NAV1: variants seen among roughly 807,000 people sequenced by gnomAD.
NAV1 encodes the protein neuron navigator 1, also known as pore membrane and/or filament interacting like protein 3.
Under a neutral mutation model 175.2 loss-of-function variants are expected in NAV1, and 18 were observed. The ratio of observed to expected loss-of-function variants is 0.10; its 90% CI spans 0.07 to 0.15. The LOEUF is 0.15. NAV1 is among the 10% of genes least tolerant of loss of function. NAV1 has a pLI of 1.00. For synonymous variants in NAV1, 897 were observed against 978.7 expected (o/e 0.92, Z 1.56); for missense variants, 1,731 against 2,436.6 (o/e 0.71, Z 6.10).
At chr1:201,820,750 T>G (rs1043746664) in exon 30 of NAV1, 1 of 152,218 alleles carries the variant, frequency 6.6e-6, no homozygotes, top group Non-Finnish European at 1.5e-5. Context: ...ACCCTACTTT[T>G]TTATTTTTGG....
chr1:201,600,579 A>G (rs1318866667), intron 2 of NAV1, among the ~76,000 whole-genome samples: 1 of 152,204 alleles, frequency 6.6e-6, no homozygotes, highest in Non-Finnish European at 1.5e-5. Context: ...AAACTGGGTG[A>G]AGCGTAGATG....
At chr1:201,562,073 T>C (rs141907703) in intron 1 of NAV1, among the ~76,000 whole-genome samples, 9,647 of 152,126 alleles carry the variant, frequency 0.063, 423 homozygotes, top group African/African-American at 0.13. Context: ...GGCACCATCA[T>C]AGCTCACTGC....
At chr1:201,546,549 G>A (rs1665678297) in intron 1 of NAV1, among the ~76,000 whole-genome samples, 1 of 152,154 alleles carries the variant, frequency 6.6e-6, no homozygotes, top group African/African-American at 2.4e-5. Context: ...ACTGATTGTT[G>A]ACATTTTGCT....
intron 3 of NAV1, among the ~76,000 whole-genome samples, chr1:201,722,779 A>C (rs1672441148): frequency 6.6e-6 from 1 of 152,164 alleles, no homozygotes; most frequent in Non-Finnish European, 1.5e-5. Flanking sequence ...ATTCTCCCCA[A>C]CATTTACTAT....
intron 1 of NAV1, among the ~76,000 whole-genome samples, chr1:201,561,086 C>T (rs1326658454): frequency 6.6e-6 from 1 of 152,126 alleles, no homozygotes; most frequent in Admixed American, 6.5e-5. Flanking sequence ...CCATGAGACC[C>T]CAAGAAGCCC....
chr1:201,589,687 T>G (rs1385176261), intron 2 of NAV1, among the ~76,000 whole-genome samples: 1 of 152,138 alleles, frequency 6.6e-6, no homozygotes, highest in African/African-American at 2.4e-5. Context: ...AGACAGAGTT[T>G]TGCCATGTTG....
intron 1 of NAV1, among the ~76,000 whole-genome samples, chr1:201,689,283 A>G (rs183863493): frequency 2.0e-5 from 3 of 152,344 alleles, no homozygotes; most frequent in Admixed American, 2.0e-4. Context: ...TATGAATCCA[A>G]ATGTATTTCA....
At chr1:201,739,963 G>T in intron 3 of NAV1, 1 of 1,394,492 alleles carries the variant, frequency 7.2e-7, no homozygotes, top group Non-Finnish European at 9.3e-7. Context: ...GGTGTCAGGC[G>T]AGAGCGGTCC....
At chr1:201,648,869 C>A in exon 1 of NAV1, 1 of 1,612,328 alleles carries the variant, frequency 6.2e-7, no homozygotes, top group South Asian at 1.1e-5. Context: ...TGAAGGTCTT[C>A]AAGTCCGGCA....
At chr1:201,793,932 C>T (rs1677274244) in intron 14 of NAV1, 57 bp downstream of exon 18, 2 of 1,442,494 alleles carry the variant, frequency 1.4e-6, no homozygotes, top group Non-Finnish European at 1.9e-6. Context: ...TTCTCCTGGA[C>T]AGAGAGGCCG....
chr1:201,655,664 C>T (rs1295289047), intron 1 of NAV1, among the ~76,000 whole-genome samples: 1 of 152,170 alleles, frequency 6.6e-6, no homozygotes, highest in Non-Finnish European at 1.5e-5. Context: ...CCACAGAGAT[C>T]GGGGGCAGAC....
intron 1 of NAV1, among the ~76,000 whole-genome samples, chr1:201,672,380 C>G (rs1670075421): frequency 6.6e-6 from 1 of 152,056 alleles, no homozygotes. Flanking sequence ...TTGAAAAGTC[C>G]CTGGCCTAAA....
chr1:201,685,769 A>G (rs2102406782), intron 1 of NAV1, among the ~76,000 whole-genome samples: 1 of 152,302 alleles, frequency 6.6e-6, no homozygotes, highest in African/African-American at 2.4e-5. Flanking sequence ...CAGGTCCAGG[A>G]AACATAGCCA....
At chr1:201,701,427 AAG>A (rs200495341) in intron 1 of NAV1, among the ~76,000 whole-genome samples, 40,371 of 117,136 alleles carry the variant, frequency 0.34, 6,614 homozygotes, top group Admixed American at 0.51. Flanking sequence ...AAAATAAAAA[AAG>A]AAAAAGAAAA....
chr1:201,783,309 G>A (rs1676457467), intron 6 of NAV1, 97 bp from the exon 11 acceptor site: 1 of 1,234,922 alleles, frequency 8.1e-7, no homozygotes, highest in Non-Finnish European at 1.1e-6. Context: ...TTAGCAAATA[G>A]GCAGAAAACA....
intron 3 of NAV1, among the ~76,000 whole-genome samples, chr1:201,743,603 G>C (rs776123347): frequency 1.8e-4 from 27 of 152,180 alleles, no homozygotes; most frequent in Non-Finnish European, 2.9e-4. Flanking sequence ...TTATGACCAC[G>C]TGAAGTCATT....
chr1:201,819,864 G>A (rs577102981), exon 30 of NAV1: 4 of 1,614,088 alleles, frequency 2.5e-6, no homozygotes, highest in Non-Finnish European at 8.5e-7. Context: ...ACTTCAAGAA[G>A]CTGCCAACTA....
At chr1:201,560,220 A>AT (rs1000674965) in intron 1 of NAV1, among the ~76,000 whole-genome samples, 4 of 152,100 alleles carry the variant, frequency 2.6e-5, no homozygotes, top group South Asian at 2.1e-4. Flanking sequence ...TGTAACTTTC[A>AT]TTTTTTTCAG....
At chr1:201,574,128 C>A (rs1017548263) in intron 1 of NAV1, among the ~76,000 whole-genome samples, 1 of 152,196 alleles carries the variant, frequency 6.6e-6, no homozygotes, top group Non-Finnish European at 1.5e-5. Context: ...ACTGAGCACT[C>A]TTCAGTGTAG....
Sources: allele counts gnomAD v4.1 joint callset (sites outside exome capture counted in the v4.1 genomes callset), GRCh38; gene constraint gnomAD v4.1.1; transcripts MANE v1.5; gene names NCBI Gene and HGNC (gene_info 2026-07-23, HGNC 2026-07-21).